Variants in FLI1 observed in about 807,000 individuals in gnomAD.
The protein encoded by FLI1 is Fli-1 proto-oncogene, ETS transcription factor.
Under a neutral mutation model 53.1 loss-of-function variants are expected in FLI1, and 13 were observed. That is an observed-to-expected ratio of 0.24 (90% confidence interval 0.16 to 0.39). The LOEUF (loss-of-function observed/expected upper bound fraction) is 0.39. FLI1 is among the 10% of genes least tolerant of loss of function. The probability of loss-of-function intolerance (pLI) is 1.00; values close to 1 mark genes in which losing one functional copy is unlikely to be tolerated. For missense variants in FLI1, 424 were observed against 600.5 expected (o/e 0.71, Z 3.07); for synonymous variants, 244 against 236.7 (o/e 1.03, Z -0.28).
intron 1 of FLI1, among the ~76,000 whole-genome samples, chr11:128,710,715 G>A (rs925107186): frequency 2.0e-5 from 3 of 152,184 alleles, no homozygotes; most frequent in Admixed American, 2.0e-4. Flanking sequence ...AAAGGGTTTG[G>A]ACATACTCAT....
In FLI1 at chr11:128,728,855, C is replaced by A. The variant is rs558606750; in HGVS notation, c.19-29260C>A. ...CTAGAACTAACCACATTCAATTAGT[C>A]CCCTAGCCAAGGGTGGGGTGAAGGA... On this transcript the variant is annotated intron_variant, in intron 1 of 8. Transcript: ENST00000527786. Among the ~76,000 whole-genome samples the A allele has an allele frequency of 1.1e-3, 161 of 152,308 alleles. 5 individuals carry two copies. Among genetic ancestry groups the A allele is most frequent in the Middle Eastern group, 3.4e-3 (1 of 294 alleles).
At chr11:128,801,247 A>G (rs1373467180) in intron 5 of FLI1, among the ~76,000 whole-genome samples, 1 of 152,108 alleles carries the variant, frequency 6.6e-6, no homozygotes, top group African/African-American at 2.4e-5. Flanking sequence ...TCGGGGCAGG[A>G]GCTCTCATGC....
chr11:128,760,520 C>T (rs1036672180), intron 2 of FLI1, among the ~76,000 whole-genome samples: 3 of 103,572 alleles, frequency 2.9e-5, no homozygotes, highest in African/African-American at 1.1e-4. Context: ...GTGGAGATTC[C>T]TTTTTTTTTT....
rs375154406 is a variant in FLI1 at position 128,811,552 on chromosome 11, C to T, written c.*564C>T. Reference sequence around the variant, plus strand: ...GGAAAGAAGGTTTGTGTGTTTAAGACGCCAAGGGCATTGCAGAATCCCTCT... The same window carrying T: ...GGAAAGAAGGTTTGTGTGTTTAAGATGCCAAGGGCATTGCAGAATCCCTCT... On this transcript the variant is annotated 3_prime_UTR_variant, in exon 9 of 9. Coordinates refer to ENST00000527786, the MANE Select transcript of FLI1 (RefSeq NM_002017.5). 148 of 227,276 alleles carry T rather than the reference C, an allele frequency of 6.5e-4. 2 individuals are homozygous for T. The highest frequency in any genetic ancestry group is 2.3e-3 in the South Asian group (13 of 5,664). 14.1% of individuals were successfully genotyped at this position (227,276 alleles called of 1,614,324 possible).
intron 5 of FLI1, among the ~76,000 whole-genome samples, chr11:128,788,332 G>C (rs1031197938): frequency 3.3e-5 from 5 of 152,064 alleles, no homozygotes; most frequent in African/African-American, 1.2e-4. Flanking sequence ...AGTCAGGTGT[G>C]GTGGCATGTG....
chr11:128,733,062 T>C (rs1397946052), intron 1 of FLI1, among the ~76,000 whole-genome samples: 3 of 152,210 alleles, frequency 2.0e-5, no homozygotes, highest in African/African-American at 7.2e-5. Flanking sequence ...ACAAGTCTCT[T>C]TGCATCAGGA....
intron 5 of FLI1, among the ~76,000 whole-genome samples, chr11:128,790,048 G>A (rs567451212): frequency 0.018 from 2,536 of 142,782 alleles, 77 homozygotes; most frequent in African/African-American, 0.065. Context: ...TGCTGGATGT[G>A]TGTGTGTGTG....
chr11:128,737,110 A>T (rs1314027649), intron 1 of FLI1, among the ~76,000 whole-genome samples: 2 of 152,224 alleles, frequency 1.3e-5, no homozygotes, highest in African/African-American at 4.8e-5. Flanking sequence ...GTGGATAGGG[A>T]CTTCGGAAAG....
At chr11:128,798,588 G>C (rs780083910) in intron 5 of FLI1, among the ~76,000 whole-genome samples, 25 of 152,176 alleles carry the variant, frequency 1.6e-4, no homozygotes, top group Non-Finnish European at 2.9e-4. Flanking sequence ...CCGAGGCAGA[G>C]GGGCTGTTGG....
upstream of FLI1, among the ~76,000 whole-genome samples, chr11:128,691,071 GC>G (rs1471060154): frequency 6.6e-6 from 1 of 152,184 alleles, no homozygotes; most frequent in Non-Finnish European, 1.5e-5. Flanking sequence ...GGGGAGGTCT[GC>G]CCCACTAACA....
intron 1 of FLI1, among the ~76,000 whole-genome samples, chr11:128,756,975 G>A (rs1009483355): frequency 2.6e-5 from 4 of 152,054 alleles, no homozygotes; most frequent in East Asian, 1.9e-4. Context: ...CTCTACTTCC[G>A]GGGCTCAAGT....
At chr11:128,793,778 G>A (rs894560865) in intron 5 of FLI1, among the ~76,000 whole-genome samples, 5 of 152,228 alleles carry the variant, frequency 3.3e-5, no homozygotes, top group African/African-American at 1.2e-4. Flanking sequence ...CATGAGCCCT[G>A]CTACATTTTA....
At chr11:128,694,034 A>T (rs970333531), upstream of FLI1, 36 of 420,198 alleles carry the variant, frequency 8.6e-5, no homozygotes, top group Middle Eastern at 6.0e-4. Flanking sequence ...GTCACTTCCC[A>T]AAATTAGCTG....
intron 2 of FLI1, chr11:128,764,882 G>T: frequency 6.5e-7 from 1 of 1,546,214 alleles, no homozygotes; most frequent in South Asian, 1.2e-5. Context: ...GGCAAGTGTG[G>T]GGAACCAGGA....
intron 1 of FLI1, among the ~76,000 whole-genome samples, chr11:128,733,039 C>G (rs1393822806): frequency 6.6e-6 from 1 of 152,174 alleles, no homozygotes; most frequent in Non-Finnish European, 1.5e-5. Flanking sequence ...GTGGGAAATT[C>G]AAAGGAACTT....
chr11:128,809,642 A>G (rs1256662121), intron 8 of FLI1, among the ~76,000 whole-genome samples: 1 of 152,214 alleles, frequency 6.6e-6, no homozygotes. Context: ...CTTATAAAAG[A>G]GATGTGTCCT....
intron 4 of FLI1, among the ~76,000 whole-genome samples, chr11:128,773,454 C>G (rs558706476): frequency 6.6e-6 from 1 of 152,030 alleles, no homozygotes; most frequent in East Asian, 1.9e-4. Flanking sequence ...ACCCTAACCC[C>G]ATTTGACAGG....
intron 7 of FLI1, among the ~76,000 whole-genome samples, chr11:128,808,352 C>T (rs1322584490): frequency 1.3e-5 from 2 of 152,104 alleles, no homozygotes; most frequent in African/African-American, 4.8e-5. Context: ...TTTGCCAAGT[C>T]GAGACCCAGC....
At chr11:128,797,850 C>A (rs546912704) in intron 5 of FLI1, among the ~76,000 whole-genome samples, 1 of 152,042 alleles carries the variant, frequency 6.6e-6, no homozygotes, top group Non-Finnish European at 1.5e-5. Flanking sequence ...GGGACACAAG[C>A]GTACAAAGAA....
Sources: gnomAD v4.1 joint callset for allele counts (sites outside exome capture counted in the v4.1 genomes callset) on GRCh38, gnomAD v4.1.1 for gene constraint, MANE v1.5 for transcripts, NCBI Gene and HGNC (gene_info 2026-07-23, HGNC 2026-07-21) for gene names.